Variants in DLC1 observed in about 807,000 individuals in gnomAD.
DLC1 encodes DLC1 Rho GTPase activating protein.
DLC1 carries 54 observed loss-of-function variants against 140.3 expected under a neutral mutation model. That is an observed-to-expected ratio of 0.38 (90% confidence interval 0.31 to 0.48). DLC1 has a LOEUF of 0.48. DLC1 is among the 20% of genes least tolerant of loss of function. DLC1 has a pLI of 0.96. For synonymous variants in DLC1, 986 were observed against 728.1 expected (o/e 1.35, Z -5.70); for missense variants, 2,536 against 1,907.0 (o/e 1.33, Z -6.14).
rs574304623 is a variant in DLC1 at position 13,116,186 on chromosome 8, G to C, written c.1349-529C>G. 38 of 985,540 alleles carry C rather than the reference G, an allele frequency of 3.9e-5. No individual in the cohort carries two copies. The Middle Eastern group carries it at 1.6e-3, about 41-fold the overall frequency. 61.0% of individuals were successfully genotyped at this position (985,540 alleles called of 1,614,324 possible). On this transcript the variant is annotated intron_variant, in intron 5 of 17. Coordinates refer to ENST00000276297, the MANE Select transcript of DLC1 (RefSeq NM_182643.3). ...TGTTGCGTGATCAGGTACTCATCAG[G>C]TATTAATCCAGTAGGAGAGGCCCAG...
intron 4 of DLC1, among the ~76,000 whole-genome samples, chr8:13,387,184 A>C (rs986149296): frequency 2.2e-4 from 33 of 152,026 alleles, no homozygotes; most frequent in Non-Finnish European, 4.3e-4. Context: ...ATGTGACATA[A>C]AATACTATTT....
intron 2 of DLC1, among the ~76,000 whole-genome samples, chr8:13,470,930 C>T (rs896133705): frequency 6.6e-6 from 1 of 152,152 alleles, no homozygotes; most frequent in Non-Finnish European, 1.5e-5. Flanking sequence ...CACACCCATA[C>T]ACGTGCATGC....
intron 5 of DLC1, among the ~76,000 whole-genome samples, chr8:13,143,301 G>A (rs1823154299): frequency 6.6e-6 from 1 of 152,188 alleles, no homozygotes; most frequent in African/African-American, 2.4e-5. Context: ...CTGAAAACAT[G>A]TGCAGAAAAT....
In DLC1 at chr8:13,594,376, T is replaced by G. The variant is rs554219373; in HGVS notation, c.-126+10161A>C. On this transcript the variant is annotated intron_variant, in intron 1 of 1. Coordinates refer to the DLC1 transcript ENST00000631382. ...AGAAGAGTTTTCTGTAAATGTTGTT[T>G]CTATGGCCATTGTTTTGATTGATTT... is the stretch of plus-strand genomic sequence containing the variant. 2.0e-5 allele frequency among the ~76,000 whole-genome samples: 3 copies of G among 152,204 alleles called. No individual in the cohort carries two copies. In the South Asian group the frequency reaches 6.2e-4, roughly 32 times the overall value.
intron 4 of DLC1, among the ~76,000 whole-genome samples, chr8:13,393,075 C>G (rs1396119746): frequency 2.0e-5 from 3 of 152,028 alleles, no homozygotes; most frequent in Non-Finnish European, 4.4e-5. Flanking sequence ...ATCTGTCTAT[C>G]CATCCATCTA....
intron 1 of DLC1, among the ~76,000 whole-genome samples, chr8:13,542,368 T>C (rs1803513313): frequency 6.6e-6 from 1 of 152,216 alleles, no homozygotes; most frequent in Non-Finnish European, 1.5e-5. Flanking sequence ...TATGCGTAGG[T>C]CTATTTCTGG....
intron 2 of DLC1, among the ~76,000 whole-genome samples, chr8:13,482,282 A>T (rs1403505976): frequency 6.6e-6 from 1 of 152,252 alleles, no homozygotes; most frequent in African/African-American, 2.4e-5. Flanking sequence ...ATTTCTAGTC[A>T]TATATCTAAT....
intron 2 of DLC1, among the ~76,000 whole-genome samples, chr8:13,452,353 C>A (rs1799104753): frequency 6.6e-6 from 1 of 152,028 alleles, no homozygotes; most frequent in African/African-American, 2.4e-5. Context: ...AAACATCACA[C>A]AGTGAGAGTA....
intron 4 of DLC1, among the ~76,000 whole-genome samples, chr8:13,352,210 C>T (rs571222934): frequency 1.3e-5 from 2 of 152,192 alleles, no homozygotes; most frequent in Non-Finnish European, 2.9e-5. Flanking sequence ...TGCGCTTGTT[C>T]CGAACACACG....
intron 2 of DLC1, among the ~76,000 whole-genome samples, chr8:13,490,784 C>T (rs1290855418): frequency 1.3e-5 from 2 of 151,962 alleles, no homozygotes; most frequent in East Asian, 1.9e-4. Context: ...TTAATTCTTG[C>T]TCCAATAAAA....
intron 5 of DLC1, among the ~76,000 whole-genome samples, chr8:13,274,375 C>A (rs917543984): frequency 6.6e-6 from 1 of 152,170 alleles, no homozygotes; most frequent in Non-Finnish European, 1.5e-5. Flanking sequence ...TATCTGGATT[C>A]TCTACTGTGT....
intron 5 of DLC1, among the ~76,000 whole-genome samples, chr8:13,299,061 T>G (rs1309365656): frequency 1.3e-5 from 2 of 152,140 alleles, no homozygotes; most frequent in African/African-American, 4.8e-5. Flanking sequence ...CAGTGTTACT[T>G]TTCCAAGAGA....
chr8:13,277,692 C>CT (rs576306581), intron 5 of DLC1, among the ~76,000 whole-genome samples: 15 of 151,474 alleles, frequency 9.9e-5, no homozygotes, highest in Admixed American at 3.3e-4. Flanking sequence ...TATTAATCCT[C>CT]TTTTTTTTTC....
At chr8:13,218,180 T>C (rs1828301350) in intron 5 of DLC1, among the ~76,000 whole-genome samples, 1 of 152,174 alleles carries the variant, frequency 6.6e-6, no homozygotes, top group Non-Finnish European at 1.5e-5. Flanking sequence ...GACAACTGAC[T>C]AGCCACATGC....
intron 5 of DLC1, among the ~76,000 whole-genome samples, chr8:13,200,206 C>A (rs1047543900): frequency 3.3e-5 from 5 of 151,634 alleles, no homozygotes; most frequent in African/African-American, 1.2e-4. Flanking sequence ...CCACGCCCTG[C>A]AAATTTTTTC....
intron 4 of DLC1, among the ~76,000 whole-genome samples, chr8:13,321,374 C>G (rs1833103886): frequency 6.6e-6 from 1 of 151,728 alleles, no homozygotes; most frequent in Non-Finnish European, 1.5e-5. Flanking sequence ...CCCATCTCTA[C>G]TAAAAATGCA....
chr8:13,553,453 C>A (rs900795854), intron 1 of DLC1, among the ~76,000 whole-genome samples: 1 of 151,342 alleles, frequency 6.6e-6, no homozygotes, highest in Non-Finnish European at 1.5e-5. Flanking sequence ...TTAACACAAT[C>A]CTCTCTTGAT....
chr8:13,237,387 T>G (rs1391891296), intron 5 of DLC1, among the ~76,000 whole-genome samples: 1 of 151,308 alleles, frequency 6.6e-6, no homozygotes, highest in Non-Finnish European at 1.5e-5. Context: ...AGATATGTAT[T>G]TGTGATTATG....
intron 5 of DLC1, among the ~76,000 whole-genome samples, chr8:13,165,980 A>G (rs908240268): frequency 7.9e-5 from 12 of 152,096 alleles, no homozygotes; most frequent in African/African-American, 2.9e-4. Context: ...ATACTATGTC[A>G]CTATTTCCAC....
Sources: allele counts gnomAD v4.1 joint callset (sites outside exome capture counted in the v4.1 genomes callset), GRCh38; gene constraint gnomAD v4.1.1; transcripts MANE v1.5; gene names NCBI Gene and HGNC (gene_info 2026-07-23, HGNC 2026-07-21).